Variants in NRG1 observed in about 807,000 individuals in gnomAD.
NRG1 encodes neuregulin 1.
In NRG1, 18 loss-of-function variants were observed where a neutral mutation model predicts 63.8. That is an observed-to-expected ratio of 0.28 (90% confidence interval 0.19 to 0.42). The LOEUF (loss-of-function observed/expected upper bound fraction) is 0.42, where lower values mean the gene tolerates loss of function less well. Among genes scored for constraint, NRG1 ranks in the 10% least tolerant of loss-of-function variants. The pLI is 1.00. For missense variants in NRG1, 762 were observed against 814.7 expected, an observed-to-expected ratio of 0.94 and a Z score of 0.79; for synonymous variants, 302 against 301.3, an observed-to-expected ratio of 1.00 and a Z score of -0.02.
intron 5 of NRG1, among the ~76,000 whole-genome samples, chr8:32,724,650 A>G (rs1821601379): frequency 6.6e-6 from 1 of 152,172 alleles, no homozygotes; most frequent in Non-Finnish European, 1.5e-5. Context: ...TCTTCCGACA[A>G]TTACAACTTA....
intron 1 of NRG1, among the ~76,000 whole-genome samples, chr8:31,714,949 A>G (rs1259617329): frequency 3.3e-5 from 5 of 152,150 alleles, no homozygotes; most frequent in Non-Finnish European, 5.9e-5. Context: ...CGCTGTGTCC[A>G]TTTGTCAAAG....
At chr8:32,281,805 A>ACCC (rs5890633) in intron 1 of NRG1, among the ~76,000 whole-genome samples, 1 of 151,124 alleles carries the variant, frequency 6.6e-6, no homozygotes, top group Non-Finnish European at 1.5e-5. Context: ...ACATAGTGAG[A>ACCC]CCCCCCCCAT....
At chr8:31,738,913 T>C (rs530720483) in intron 1 of NRG1, among the ~76,000 whole-genome samples, 1 of 152,210 alleles carries the variant, frequency 6.6e-6, no homozygotes, top group South Asian at 2.1e-4. Flanking sequence ...TCATCTTAAC[T>C]AATTACATCT....
intron 5 of NRG1, among the ~76,000 whole-genome samples, chr8:32,701,855 A>G (rs1365151946): frequency 1.3e-5 from 2 of 152,244 alleles, no homozygotes; most frequent in African/African-American, 2.4e-5. Context: ...GGACCCCCTT[A>G]AACTGAAACT....
intron 1 of NRG1, among the ~76,000 whole-genome samples, chr8:32,134,560 TA>T (rs1330025524): frequency 1.3e-5 from 2 of 152,174 alleles, no homozygotes; most frequent in Non-Finnish European, 2.9e-5. Flanking sequence ...TTCATTTATT[TA>T]AAAAATATTT....
At chr8:32,546,191 C>T (rs1252941741), upstream of NRG1, among the ~76,000 whole-genome samples, 4 of 152,110 alleles carry the variant, frequency 2.6e-5, no homozygotes, top group Non-Finnish European at 5.9e-5. Context: ...CTTCCCCTAT[C>T]TCACTGAAAA....
At chr8:31,962,000 A>G (rs1805540352) in intron 1 of NRG1, among the ~76,000 whole-genome samples, 1 of 152,172 alleles carries the variant, frequency 6.6e-6, no homozygotes, top group South Asian at 2.1e-4. Flanking sequence ...GGCATTACTC[A>G]TGAACTTTGG....
chr8:32,356,488 C>A (rs943688771), intron 1 of NRG1, among the ~76,000 whole-genome samples: 2 of 144,098 alleles, frequency 1.4e-5, no homozygotes, highest in East Asian at 2.1e-4. Context: ...CCCCCCCACC[C>A]GCCGGGCCCC....
chr8:32,587,365 T>C (rs577438366), intron 1 of NRG1, among the ~76,000 whole-genome samples: 1 of 152,174 alleles, frequency 6.6e-6, no homozygotes, highest in Non-Finnish European at 1.5e-5. Flanking sequence ...AGGGTCCAGT[T>C]TGAGAGTCCT....
At chr8:31,954,870 A>AC (rs1270503534) in intron 1 of NRG1, among the ~76,000 whole-genome samples, 1 of 151,976 alleles carries the variant, frequency 6.6e-6, no homozygotes, top group African/African-American at 2.4e-5. Flanking sequence ...AGAGCCAATG[A>AC]CCCCCGCTGG....
At chr8:32,209,285 T>C (rs1444280946) in intron 1 of NRG1, among the ~76,000 whole-genome samples, 1 of 152,108 alleles carries the variant, frequency 6.6e-6, no homozygotes. Context: ...TATTATTTAA[T>C]ACTAACATTC....
At chr8:31,841,166 G>A (rs1443967511) in intron 1 of NRG1, among the ~76,000 whole-genome samples, 2 of 151,960 alleles carry the variant, frequency 1.3e-5, no homozygotes, top group African/African-American at 4.8e-5. Flanking sequence ...AGGTTTGAGT[G>A]GCAGAAGAGC....
At chr8:32,516,398 T>C (rs1452738739) in intron 1 of NRG1, among the ~76,000 whole-genome samples, 3 of 152,182 alleles carry the variant, frequency 2.0e-5, no homozygotes, top group African/African-American at 2.4e-5. Context: ...TTAGGATTGC[T>C]TTAGTTATTC....
intron 1 of NRG1, among the ~76,000 whole-genome samples, chr8:32,282,506 T>G (rs1852988456): frequency 6.6e-6 from 1 of 152,174 alleles, no homozygotes; most frequent in Non-Finnish European, 1.5e-5. Flanking sequence ...GCTTCCTGGT[T>G]CAGAGAGAGC....
chr8:31,805,881 C>A (rs183714314), intron 1 of NRG1, among the ~76,000 whole-genome samples: 1 of 149,794 alleles, frequency 6.7e-6, no homozygotes, highest in Non-Finnish European at 1.5e-5. Context: ...CTCAATGTAT[C>A]GTGGACGATA....
chr8:32,425,701 A>G (rs1175834887), intron 1 of NRG1, among the ~76,000 whole-genome samples: 1 of 152,184 alleles, frequency 6.6e-6, no homozygotes, highest in Admixed American at 6.5e-5. Context: ...TTAAATCATG[A>G]TTGAGATTAT....
intron 1 of NRG1, among the ~76,000 whole-genome samples, chr8:31,938,453 T>A (rs1801258156): frequency 6.6e-6 from 1 of 152,230 alleles, no homozygotes; most frequent in Middle Eastern, 3.4e-3. Context: ...TCTACCTGAA[T>A]GAGATGGGAC....
At chr8:32,703,398 G>T (rs1301423209) in intron 5 of NRG1, among the ~76,000 whole-genome samples, 3 of 145,752 alleles carry the variant, frequency 2.1e-5, no homozygotes, top group Non-Finnish European at 4.5e-5. Flanking sequence ...CTATGATATT[G>T]TAGAGATATC....
intron 1 of NRG1, among the ~76,000 whole-genome samples, chr8:31,841,475 C>CA (rs1283804149): frequency 6.6e-6 from 1 of 152,042 alleles, no homozygotes; most frequent in African/African-American, 2.4e-5. Context: ...CTGGCAGAGA[C>CA]ATGGAAAATG....
Sources: gnomAD v4.1 joint callset for allele counts (sites outside exome capture counted in the v4.1 genomes callset) on GRCh38, gnomAD v4.1.1 for gene constraint, MANE v1.5 for transcripts, NCBI Gene and HGNC (gene_info 2026-07-23, HGNC 2026-07-21) for gene names.